Variants in MYL1 observed in about 807,000 individuals in gnomAD.
The protein encoded by MYL1 is myosin light chain 1.
MYL1 carries 16 observed loss-of-function variants against 21.8 expected under a neutral mutation model. The observed-to-expected ratio is 0.74, with a 90% confidence interval of 0.50 to 1.12. The LOEUF (loss-of-function observed/expected upper bound fraction) is 1.12. MYL1 is among the 50% of genes most tolerant of loss of function. The probability of loss-of-function intolerance (pLI) is 0.00; values close to 1 mark genes in which losing one functional copy is unlikely to be tolerated. For synonymous variants in MYL1, 99 were observed against 85.2 expected (o/e 1.16, Z -0.89); for missense variants, 246 against 241.0 (o/e 1.02, Z -0.14).
At chr2:210,309,584 A>G (rs1176372950) in intron 1 of MYL1, among the ~76,000 whole-genome samples, 1 of 152,030 alleles carries the variant, frequency 6.6e-6, no homozygotes, top group Non-Finnish European at 1.5e-5. Flanking sequence ...GTAAGAAACA[A>G]GCTGTAGAAG....
At chr2:210,291,449 A>T (rs1407336300) in intron 5 of MYL1, among the ~76,000 whole-genome samples, 1 of 152,074 alleles carries the variant, frequency 6.6e-6, no homozygotes. Context: ...ATTTTCTTTA[A>T]CGTATGAAAG....
At chr2:210,307,611 C>T (rs142363238) in intron 1 of MYL1, among the ~76,000 whole-genome samples, 136 of 152,260 alleles carry the variant, frequency 8.9e-4, no homozygotes, top group African/African-American at 3.2e-3. Context: ...TTCTAGCCTA[C>T]ATATTTGCTT....
At chr2:210,302,155 T>C (rs1461234846) in intron 2 of MYL1, among the ~76,000 whole-genome samples, 1 of 152,200 alleles carries the variant, frequency 6.6e-6, no homozygotes, top group African/African-American at 2.4e-5. Context: ...ATATTAGCAA[T>C]TTAGCCATCT....
At position 210,301,683 on chromosome 2, in the gene MYL1, A is replaced by G. The variant is rs140360446; in HGVS notation, c.160+805T>C. 3.5e-3 allele frequency among the ~76,000 whole-genome samples: 535 copies of G among 152,206 alleles called. 1 individual carries two copies. The highest frequency in any genetic ancestry group is 0.011 in the African/African-American group (469 of 41,546). On this transcript the variant is annotated intron_variant, in intron 2 of 6. Coordinates refer to ENST00000352451, the MANE Select transcript of MYL1 (RefSeq NM_079420.3). Reference sequence around the variant, plus strand: ...AAAACATTCCTCCCTGCACTTGCTAATGAAAACATCAAGCTCCTGTGGAGT... The same window carrying G: ...AAAACATTCCTCCCTGCACTTGCTAGTGAAAACATCAAGCTCCTGTGGAGT...
intron 3 of MYL1, among the ~76,000 whole-genome samples, chr2:210,295,530 C>A (rs1690160440): frequency 6.6e-6 from 1 of 152,056 alleles, no homozygotes. Flanking sequence ...CTGTAGTCCC[C>A]AGCTACTTGG....
intron 2 of MYL1, among the ~76,000 whole-genome samples, chr2:210,299,510 C>T (rs1256343024): frequency 6.6e-6 from 1 of 152,180 alleles, no homozygotes; most frequent in African/African-American, 2.4e-5. Context: ...ATTAAGTATA[C>T]ACAGCCATTC....
intron 3 of MYL1, 79 bp downstream of exon 3, chr2:210,298,322 TACACACACACACATACTAC>T (rs969164714): frequency 2.5e-4 from 315 of 1,279,354 alleles, no homozygotes; most frequent in South Asian, 1.1e-3. Flanking sequence ...ACACACATAC[TACACACACACACATACTAC>T]ACACACACAC....
In MYL1 at chr2:210,293,814, A is replaced by T; in HGVS notation, c.479-14T>A. ...TCATCTTTTCACCTGATGAAACAAAACTCTCCTTTCAGAAAGAAGGCCATG... is the reference window on the plus strand; with the variant it reads ...TCATCTTTTCACCTGATGAAACAAATCTCTCCTTTCAGAAAGAAGGCCATG... On this transcript the variant is annotated splice_polypyrimidine_tract_variant and intron_variant, in intron 4 of 6. Coordinates refer to ENST00000352451, the MANE Select transcript of MYL1 (RefSeq NM_079420.3). 3 of 1,612,984 alleles carry T rather than the reference A, an allele frequency of 1.9e-6. No homozygotes were observed. The highest frequency in any genetic ancestry group is 2.5e-6 in the Non-Finnish European group (3 of 1,179,150).
At chr2:210,314,674 A>G (rs1436106647) in intron 1 of MYL1, among the ~76,000 whole-genome samples, 1 of 152,206 alleles carries the variant, frequency 6.6e-6, no homozygotes, top group Non-Finnish European at 1.5e-5. Context: ...AGAAAATGGA[A>G]ACTTGAGAAT....
chr2:210,290,975 T>G, intron 6 of MYL1, 57 bp downstream of exon 6: 1 of 1,247,064 alleles, frequency 8.0e-7, no homozygotes. Context: ...GCTGTCAAGT[T>G]TTAAAAAACA....
intron 2 of MYL1, among the ~76,000 whole-genome samples, chr2:210,298,893 A>C (rs1468597612): frequency 6.6e-6 from 1 of 152,216 alleles, no homozygotes; most frequent in Admixed American, 6.5e-5. Flanking sequence ...GGCCTTGAGA[A>C]ACTTTAATAA....
intron 1 of MYL1, among the ~76,000 whole-genome samples, chr2:210,305,952 G>A (rs1354962593): frequency 6.6e-6 from 1 of 151,926 alleles, no homozygotes; most frequent in Non-Finnish European, 1.5e-5. Flanking sequence ...CCCAGCTACT[G>A]GGGAGGCTGA....
Position 210,315,113 on chromosome 2 carries a change from G to A in MYL1, c.-71C>T. The stretch of plus-strand genomic sequence containing the variant: ...AAAGAACCTGTCAAAATGATTCTTG[G>A]AAGAGGAGTGGTGGTTGGGTTGATC... On this transcript the variant is annotated 5_prime_UTR_variant, in exon 1 of 7. Coordinates refer to ENST00000352451, the MANE Select transcript of MYL1 (RefSeq NM_079420.3). The A allele has an allele frequency of 6.4e-7, 1 of 1,564,068 alleles. No individual in the cohort carries two copies. Among genetic ancestry groups the A allele is most frequent in the Non-Finnish European group, 8.6e-7 (1 of 1,161,388 alleles).
At chr2:210,302,902 G>A in intron 1 of MYL1, 2 of 1,174,556 alleles carry the variant, frequency 1.7e-6, no homozygotes, top group Non-Finnish European at 1.2e-6. Flanking sequence ...CTATGTAGGT[G>A]TCTTGGCATT....
chr2:210,309,494 T>C (rs927493984), intron 1 of MYL1, among the ~76,000 whole-genome samples: 13 of 152,092 alleles, frequency 8.5e-5, no homozygotes, highest in Admixed American at 5.2e-4. Flanking sequence ...ATCATCCATA[T>C]AATATACCTT....
chr2:210,312,303 T>C (rs1690428439), intron 1 of MYL1, among the ~76,000 whole-genome samples: 1 of 151,924 alleles, frequency 6.6e-6, no homozygotes, highest in South Asian at 2.1e-4. Flanking sequence ...TGAAAGAAAG[T>C]TTATAATCCA....
rs1041102294 is a variant in MYL1, at chr2:210,314,897, A to C, written c.132+14T>G. 3 of 1,613,760 alleles carry C rather than the reference A, an allele frequency of 1.9e-6. No individual in the cohort carries two copies. The highest frequency in any genetic ancestry group is 2.5e-6 in the Non-Finnish European group (3 of 1,179,734). ...AGATGTTTCAGTGACCAAACAGTTC[A>C]TCCATTTAGTTACCTTAATGGCAGA... On this transcript the variant is annotated intron_variant, in intron 1 of 6. Coordinates refer to ENST00000352451, the MANE Select transcript of MYL1 (RefSeq NM_079420.3).
chr2:210,302,727 G>C, intron 1 of MYL1: 1 of 1,558,318 alleles, frequency 6.4e-7, no homozygotes, highest in Non-Finnish European at 8.7e-7. Flanking sequence ...ACTAGGCAGT[G>C]CTGTGCCTAC....
chr2:210,310,531 A>G (rs1383112795), intron 1 of MYL1, among the ~76,000 whole-genome samples: 1 of 152,126 alleles, frequency 6.6e-6, no homozygotes, highest in African/African-American at 2.4e-5. Flanking sequence ...ACTCAGTTTC[A>G]TTATATCTAA....
Sources: gnomAD v4.1 joint callset for allele counts (sites outside exome capture counted in the v4.1 genomes callset) on GRCh38, gnomAD v4.1.1 for gene constraint, MANE v1.5 for transcripts, NCBI Gene and HGNC (gene_info 2026-07-23, HGNC 2026-07-21) for gene names.